The following SAMD4A variants were observed in gnomAD, a reference collection of about 807,000 sequenced individuals.
SAMD4A encodes the protein protein Smaug homolog 1.
Under a neutral mutation model 81.3 loss-of-function variants are expected in SAMD4A, and 33 were observed. The ratio of observed to expected loss-of-function variants is 0.41; its 90% CI spans 0.31 to 0.54. SAMD4A has a LOEUF of 0.54. Among genes scored for constraint, SAMD4A ranks in the 20% least tolerant of loss-of-function variants. The pLI, the probability that SAMD4A is intolerant of heterozygous loss-of-function variation, is 0.37. For missense variants in SAMD4A, 854 were observed against 951.1 expected (o/e 0.90, Z 1.34); for synonymous variants, 389 against 382.1 (o/e 1.02, Z -0.21).
intron 4 of SAMD4A, 105 bp downstream of exon 4, chr14:54,737,392 C>T: frequency 1.5e-6 from 2 of 1,318,886 alleles, no homozygotes; most frequent in Admixed American, 2.3e-5. Context: ...GAGCCCACCC[C>T]TTCCCCAGGC....
At chr14:54,753,302 T>C (rs1404013439) in intron 6 of SAMD4A, among the ~76,000 whole-genome samples, 1 of 152,270 alleles carries the variant, frequency 6.6e-6, no homozygotes, top group Non-Finnish European at 1.5e-5. Flanking sequence ...CTTTCCGCAG[T>C]GCATTGTGCC....
At chr14:54,578,863 G>T (rs748047537) in intron 2 of SAMD4A, among the ~76,000 whole-genome samples, 8 of 152,090 alleles carry the variant, frequency 5.3e-5, no homozygotes, top group Non-Finnish European at 1.0e-4. Flanking sequence ...ACAGTCAAAG[G>T]CTAGATCACT....
rs1056457504 is a variant in SAMD4A at position 54,792,227 on chromosome 14, C to G, written c.*3283C>G. ...AATAGATGTGGCTGGGTCTGCCTGT[C>G]CGGGCGGCTCTTTGCACCGAGCTCT... is the stretch of plus-strand genomic sequence containing the variant. On this transcript the variant is annotated 3_prime_UTR_variant, in exon 13 of 13. Coordinates refer to ENST00000554335, the MANE Select transcript of SAMD4A (RefSeq NM_015589.6). 1 of 152,150 alleles carries G rather than the reference C, an allele frequency of 6.6e-6. No homozygotes were observed. Among genetic ancestry groups the G allele is most frequent in the Non-Finnish European group, 1.5e-5 (1 of 68,018 alleles). The allele number at this position is 152,150 out of a possible 1,614,324, so 9.4% of individuals were successfully genotyped here.
rs755843607 is a variant in SAMD4A, at chr14:54,775,135, G to A, written c.1917G>A (p.Gln639=). ...ATPTIMKQGR[Q]NLWFANPGGS... ...CCACCATCATGAAACAAGGAAGACA[G>A]GTTTGTTCTGCCCCAAGGAAGGAGG... The change falls in exon 10 of 13, where the codon CAG becomes CAA. Residue 639 remains glutamine (Q), a splice_region_variant and synonymous_variant. Transcript: ENST00000554335. 1.9e-6 allele frequency: 3 copies of A among 1,614,076 alleles called. No homozygotes were observed. Among genetic ancestry groups the A allele is most frequent in the African/African-American group, 2.7e-5 (2 of 74,936 alleles).
At chr14:54,659,600 TG>T (rs1453987506) in intron 2 of SAMD4A, among the ~76,000 whole-genome samples, 1 of 152,180 alleles carries the variant, frequency 6.6e-6, no homozygotes, top group African/African-American at 2.4e-5. Flanking sequence ...ATATTTACTG[TG>T]GTTATTCTAC....
chr14:54,684,307 C>G (rs1207649834), intron 2 of SAMD4A, among the ~76,000 whole-genome samples: 1 of 152,246 alleles, frequency 6.6e-6, no homozygotes, highest in Non-Finnish European at 1.5e-5. Context: ...AGCTTACTTT[C>G]AGGAAATGGA....
chr14:54,601,094 A>G (rs552348528), intron 2 of SAMD4A, among the ~76,000 whole-genome samples: 1 of 152,332 alleles, frequency 6.6e-6, no homozygotes, highest in East Asian at 1.9e-4. Context: ...CGAGCTCAGC[A>G]GTAGAAAATG....
At chr14:54,662,290 G>A (rs77030675) in intron 2 of SAMD4A, among the ~76,000 whole-genome samples, 2,553 of 152,278 alleles carry the variant, frequency 0.017, 36 homozygotes, top group Non-Finnish European at 0.026. Context: ...AAGGGATAGA[G>A]GTCCACAGGG....
intron 3 of SAMD4A, among the ~76,000 whole-genome samples, chr14:54,725,954 G>T (rs1245634418): frequency 2.6e-5 from 4 of 152,146 alleles, no homozygotes; most frequent in African/African-American, 9.7e-5. Flanking sequence ...TCTTAACCTT[G>T]AATGTACATA....
chr14:54,644,086 C>A (rs1036151074), intron 2 of SAMD4A, among the ~76,000 whole-genome samples: 1 of 152,142 alleles, frequency 6.6e-6, no homozygotes, highest in African/African-American at 2.4e-5. Flanking sequence ...TCTTGACTAC[C>A]GGCTGTGATT....
intron 4 of SAMD4A, among the ~76,000 whole-genome samples, chr14:54,743,674 C>T (rs1260012237): frequency 1.3e-5 from 2 of 152,160 alleles, no homozygotes; most frequent in East Asian, 3.8e-4. Flanking sequence ...GGGTATTTTA[C>T]TCCAAAATAG....
intron 2 of SAMD4A, among the ~76,000 whole-genome samples, chr14:54,595,693 A>G (rs1021785104): frequency 6.6e-6 from 1 of 152,116 alleles, no homozygotes; most frequent in Non-Finnish European, 1.5e-5. Context: ...CTGAGAGGAA[A>G]AGCTTCAATA....
chr14:54,770,021 A>G lies in SAMD4A; in HGVS notation c.1597-83A>G, dbSNP rs1290950476. 3.3e-5 allele frequency: 29 copies of G among 867,248 alleles called. 1 individual carries two copies. Among genetic ancestry groups the G allele is most frequent in the East Asian group, 1.2e-4 (5 of 41,182 alleles). 53.7% of individuals were successfully genotyped at this position (867,248 alleles called of 1,614,324 possible). A position where few individuals can be genotyped will look rare whatever the true frequency, so the allele number is the denominator to read the frequency against. On this transcript the variant is annotated intron_variant, in intron 8 of 12. Transcript: ENST00000554335. ...AGAAAAGGCAACTGCAGAGACTCCA[A>G]TGTTTTCCCCTTATTAATTGCATGT...
At chr14:54,716,448 A>G (rs759909073) in intron 3 of SAMD4A, among the ~76,000 whole-genome samples, 9 of 152,188 alleles carry the variant, frequency 5.9e-5, no homozygotes, top group African/African-American at 7.2e-5. Context: ...CAGGTGAAAC[A>G]TAGGAGACAA....
At chr14:54,606,212 T>TGTGTGC (rs1051852191) in intron 2 of SAMD4A, among the ~76,000 whole-genome samples, 2,128 of 150,356 alleles carry the variant, frequency 0.014, 31 homozygotes, top group African/African-American at 0.038. Flanking sequence ...TGTGTGTGTG[T>TGTGTGC]GCGTGCACGT....
intron 2 of SAMD4A, among the ~76,000 whole-genome samples, chr14:54,644,380 G>A (rs1376184719): frequency 2.6e-5 from 4 of 152,138 alleles, no homozygotes; most frequent in Admixed American, 2.0e-4. Context: ...AAATGTTGAC[G>A]GGTAATAGCT....
At chr14:54,765,804 T>C (rs896083459) in intron 8 of SAMD4A, among the ~76,000 whole-genome samples, 26 of 150,148 alleles carry the variant, frequency 1.7e-4, no homozygotes, top group African/African-American at 4.8e-4. Context: ...CCCTGTGCTA[T>C]CGAAGTTCTC....
chr14:54,578,615 G>A (rs2033376050), intron 2 of SAMD4A, among the ~76,000 whole-genome samples: 1 of 152,106 alleles, frequency 6.6e-6, no homozygotes, highest in Non-Finnish European at 1.5e-5. Flanking sequence ...GGGAGGCTGA[G>A]GCAGGAGAAT....
chr14:54,624,004 G>T (rs1272660461), intron 2 of SAMD4A, among the ~76,000 whole-genome samples: 1 of 151,890 alleles, frequency 6.6e-6, no homozygotes. Context: ...TTGAGATGGA[G>T]TCTCACTCTT....
Sources: gnomAD v4.1 joint callset for allele counts (sites outside exome capture counted in the v4.1 genomes callset) on GRCh38, gnomAD v4.1.1 for gene constraint, MANE v1.5 for transcripts, NCBI Gene and HGNC (gene_info 2026-07-23, HGNC 2026-07-21) for gene names.